The following TMEM132B variants were observed in gnomAD, a reference collection of about 807,000 sequenced individuals.
TMEM132B encodes transmembrane protein 132B.
A neutral mutation model predicts 90.8 loss-of-function variants in TMEM132B; 18 were observed. The observed-to-expected ratio is 0.20, with a 90% CI of 0.14 to 0.29. TMEM132B has a LOEUF of 0.29. TMEM132B is among the 10% of genes least tolerant of loss of function. TMEM132B has a pLI of 1.00. For synonymous variants in TMEM132B, 504 were observed against 523.3 expected (o/e 0.96, Z 0.50); for missense variants, 1,096 against 1,326.8 (o/e 0.83, Z 2.70).
At chr12:125,195,395 T>G (rs940171547) in intron 1 of TMEM132B, among the ~76,000 whole-genome samples, 4 of 23,866 alleles carry the variant, frequency 1.7e-4, no homozygotes, top group Admixed American at 4.5e-4. Flanking sequence ...GGTTTGCGGG[T>G]TTTTTTTTTT....
At chr12:125,652,993 C>T (rs1005028166) in intron 8 of TMEM132B, among the ~76,000 whole-genome samples, 4 of 152,208 alleles carry the variant, frequency 2.6e-5, no homozygotes, top group Non-Finnish European at 5.9e-5. Context: ...TTAAGCATGG[C>T]TAACAGGCAC....
intron 2 of TMEM132B, among the ~76,000 whole-genome samples, chr12:125,374,635 C>T (rs1217694058): frequency 6.6e-6 from 1 of 151,768 alleles, no homozygotes; most frequent in East Asian, 2.0e-4. Context: ...TGCCCTGCAC[C>T]CCCCGACCCC....
chr12:125,590,232 A>G (rs1031465254), intron 5 of TMEM132B, among the ~76,000 whole-genome samples: 5 of 152,250 alleles, frequency 3.3e-5, no homozygotes, highest in East Asian at 3.9e-4. Flanking sequence ...CCTTATTGCA[A>G]TGCAAGAATG....
chr12:125,335,915 A>G (rs866961024), intron 1 of TMEM132B, among the ~76,000 whole-genome samples: 1 of 152,120 alleles, frequency 6.6e-6, no homozygotes, highest in Non-Finnish European at 1.5e-5. Context: ...TGAATCTGGG[A>G]GGGGGAGGTG....
intron 4 of TMEM132B, among the ~76,000 whole-genome samples, chr12:125,559,678 G>T (rs1884473153): frequency 6.6e-6 from 1 of 152,140 alleles, no homozygotes; most frequent in South Asian, 2.1e-4. Context: ...GGCTCTGGAA[G>T]CTGAGTCCTA....
chr12:125,457,625 G>A (rs1045490551), intron 3 of TMEM132B, among the ~76,000 whole-genome samples: 3 of 152,166 alleles, frequency 2.0e-5, no homozygotes, highest in East Asian at 3.9e-4. Flanking sequence ...GCTGGGGCAG[G>A]GGAATAGTTG....
chr12:125,482,946 C>G (rs571958364), intron 3 of TMEM132B, among the ~76,000 whole-genome samples: 2 of 152,186 alleles, frequency 1.3e-5, no homozygotes, highest in South Asian at 4.2e-4. Context: ...TCCTTTGTAG[C>G]AACATGGATG....
chr12:125,549,979 C>T (rs971146137), intron 4 of TMEM132B, among the ~76,000 whole-genome samples: 3 of 152,168 alleles, frequency 2.0e-5, no homozygotes, highest in Non-Finnish European at 2.9e-5. Context: ...GGAGCTGGAC[C>T]CTGTAAACAT....
At chr12:125,252,958 C>G (rs141169002) in intron 1 of TMEM132B, among the ~76,000 whole-genome samples, 30 of 152,338 alleles carry the variant, frequency 2.0e-4, no homozygotes, top group African/African-American at 6.5e-4. Context: ...AAGGGGTTAA[C>G]TGTAAGACGA....
chr12:125,565,091 G>A (rs1884628711), intron 4 of TMEM132B, among the ~76,000 whole-genome samples: 1 of 152,196 alleles, frequency 6.6e-6, no homozygotes, highest in South Asian at 2.1e-4. Flanking sequence ...CTGACTTCTT[G>A]AGGCATGGGT....
At chr12:125,577,904 A>C (rs1884973666) in intron 4 of TMEM132B, among the ~76,000 whole-genome samples, 1 of 152,070 alleles carries the variant, frequency 6.6e-6, no homozygotes, top group Admixed American at 6.6e-5. Flanking sequence ...GAATGTTTAC[A>C]GATATTCTTA....
At chr12:125,325,040 T>A (rs1876522603) in intron 1 of TMEM132B, among the ~76,000 whole-genome samples, 1 of 151,988 alleles carries the variant, frequency 6.6e-6, no homozygotes, top group African/African-American at 2.4e-5. Context: ...CTTCTGGCAT[T>A]GTTTCCACTG....
At chr12:125,231,555 G>T (rs1370679989) in intron 1 of TMEM132B, among the ~76,000 whole-genome samples, 1 of 152,074 alleles carries the variant, frequency 6.6e-6, no homozygotes, top group African/African-American at 2.4e-5. Context: ...CATTTATATT[G>T]CCCATGTCCC....
chr12:125,382,448 G>A (rs367898197), intron 2 of TMEM132B, among the ~76,000 whole-genome samples: 49 of 152,282 alleles, frequency 3.2e-4, no homozygotes, highest in African/African-American at 1.1e-3. Context: ...TTCTTAAGGA[G>A]CAGTGACAGG....
chr12:125,542,188 A>G lies in TMEM132B; in HGVS notation c.1293+22563A>G, dbSNP rs936031790. Among the ~76,000 whole-genome samples, 10 of 152,254 alleles carry G rather than the reference A, an allele frequency of 6.6e-5. No homozygotes were observed. The East Asian group carries it at 1.9e-3, about 29-fold the overall frequency. On this transcript the variant is annotated intron_variant, in intron 4 of 8. Coordinates refer to ENST00000682704, the MANE Select transcript of TMEM132B (RefSeq NM_001366854.1). ...CTCTTTGACCTGTACATTAATGCGT[A>G]CCTCTAACCCAGAGAGAAAACAGCT...
chr12:125,263,228 G>A (rs137971977), intron 1 of TMEM132B, among the ~76,000 whole-genome samples: 167 of 152,226 alleles, frequency 1.1e-3, no homozygotes, highest in African/African-American at 3.8e-3. Flanking sequence ...ACCTAACACC[G>A]GATGCAGCTC....
chr12:125,505,182 A>ACC lies in TMEM132B; in HGVS notation c.1107-14257_1107-14256insCC, dbSNP rs1232405005. On this transcript the variant is annotated intron_variant, in intron 3 of 8. Coordinates refer to ENST00000682704, the MANE Select transcript of TMEM132B (RefSeq NM_001366854.1). ...ACCAGAGGACAAAAAAAAAAAAAAAAAAAAAAAAAAAAACAGTAAGTGGGG... is the reference window on the plus strand; with the variant it reads ...ACCAGAGGACAAAAAAAAAAAAAAAACCAAAAAAAAAAAAACAGTAAGTGGGG... Among the ~76,000 whole-genome samples the ACC allele has an allele frequency of 6.9e-3, 1,013 of 146,662 alleles. 16 individuals carry two copies. The highest frequency in any genetic ancestry group is 0.024 in the African/African-American group (949 of 40,282).
At chr12:125,495,663 G>A (rs1882542605) in intron 3 of TMEM132B, among the ~76,000 whole-genome samples, 1 of 152,152 alleles carries the variant, frequency 6.6e-6, no homozygotes, top group African/African-American at 2.4e-5. Context: ...TGGGATCACT[G>A]CAGATTTGCC....
chr12:125,520,351 T>A (rs915921850), intron 4 of TMEM132B, among the ~76,000 whole-genome samples: 1 of 152,212 alleles, frequency 6.6e-6, no homozygotes, highest in African/African-American at 2.4e-5. Flanking sequence ...TGCACTGCCT[T>A]GACTTTCCTG....
Sources: gnomAD v4.1 joint callset for allele counts (sites outside exome capture counted in the v4.1 genomes callset) on GRCh38, gnomAD v4.1.1 for gene constraint, MANE v1.5 for transcripts, NCBI Gene and HGNC (gene_info 2026-07-23, HGNC 2026-07-21) for gene names.